CACNA1C: variants seen among roughly 807,000 people sequenced by gnomAD.
CACNA1C encodes voltage-dependent L-type calcium channel subunit alpha-1C.
In CACNA1C, 30 loss-of-function variants were observed where a neutral mutation model predicts 229.0. That is an observed-to-expected ratio of 0.13 (90% CI 0.10 to 0.18). The LOEUF is 0.18. Ranked by LOEUF, CACNA1C falls within the 10% of genes least tolerant of loss-of-function variation. The pLI is 1.00. For missense variants in CACNA1C, 1,658 were observed against 2,845.0 expected (o/e 0.58, Z 9.49); for synonymous variants, 1,114 against 1,132.5 (o/e 0.98, Z 0.33).
chr12:2,550,721 T>C (rs907422957), intron 10 of CACNA1C: 3 of 1,230,534 alleles, frequency 2.4e-6, no homozygotes, highest in Non-Finnish European at 3.2e-6. Flanking sequence ...GCATCTCCCT[T>C]CCCTCCTCGT....
At chr12:2,042,676 A>G (rs906261731) in intron 1 of CACNA1C, among the ~76,000 whole-genome samples, 17 of 152,142 alleles carry the variant, frequency 1.1e-4, no homozygotes, top group African/African-American at 4.1e-4. Flanking sequence ...GAAGTGTAGG[A>G]TAAGGATGCC....
chr12:2,435,595 C>T lies in CACNA1C; in HGVS notation c.478-13381C>T, dbSNP rs184501285. On this transcript the variant is annotated intron_variant, in intron 3 of 46. Transcript: ENST00000399655. ...GGCCTCTGCAGCACCCCTGGAGTTG[C>T]ACCCCGAGTGCTGGGAGACAGGCAG... Among the ~76,000 whole-genome samples the T allele has an allele frequency of 1.4e-4, 21 of 152,346 alleles. No homozygotes were observed. The East Asian group carries it at 1.5e-3, about 11-fold the overall frequency.
At chr12:2,623,047 T>C (rs1364217871) in intron 29 of CACNA1C, among the ~76,000 whole-genome samples, 2 of 152,192 alleles carry the variant, frequency 1.3e-5, no homozygotes, top group Non-Finnish European at 2.9e-5. Context: ...CTTAAAATCT[T>C]TTGCAGGAGC....
At chr12:2,680,553 T>C (rs1298973482) in intron 42 of CACNA1C, 2 of 1,568,610 alleles carry the variant, frequency 1.3e-6, no homozygotes, top group Non-Finnish European at 1.7e-6. Flanking sequence ...CCCAGCAGGC[T>C]GCACAGCCCC....
At chr12:2,617,750 GC>G (rs2081337100) in intron 29 of CACNA1C, among the ~76,000 whole-genome samples, 2 of 152,230 alleles carry the variant, frequency 1.3e-5, no homozygotes, top group African/African-American at 4.8e-5. Context: ...TTTTCACTGG[GC>G]TTGTGTCGAA....
In CACNA1C at chr12:2,467,436, C is replaced by T. The variant is rs2099562247; in HGVS notation, c.757+9730C>T. 6.6e-6 allele frequency among the ~76,000 whole-genome samples: 1 copy of T among 152,118 alleles called. No homozygotes were observed. Among genetic ancestry groups the T allele is most frequent in the South Asian group, 2.1e-4 (1 of 4,828 alleles). ...ACTCTGATGGCAATGGTGAGGGAAC[C>T]CTCAGGGCTGCTGATCTTTGCTGCC... is the stretch of plus-strand genomic sequence containing the variant. On this transcript the variant is annotated intron_variant, in intron 5 of 46. Transcript: ENST00000399655. The surrounding 1 kb of genome is among the most constrained non-coding windows in gnomAD (Gnocchi z 4.6).
At chr12:2,031,503 G>A (rs193215418) in intron 1 of CACNA1C, among the ~76,000 whole-genome samples, 1 of 152,266 alleles carries the variant, frequency 6.6e-6, no homozygotes, top group Non-Finnish European at 1.5e-5. Flanking sequence ...CATGTCTTTT[G>A]TTTGAACAAA....
chr12:2,272,416 G>A (rs999410142), intron 3 of CACNA1C, among the ~76,000 whole-genome samples: 1 of 152,084 alleles, frequency 6.6e-6, no homozygotes, highest in Admixed American at 6.5e-5. Context: ...TCCCCGGCTG[G>A]TGTCTGCCTC....
chr12:2,452,774 A>G (rs902581471), intron 4 of CACNA1C, among the ~76,000 whole-genome samples: 5 of 152,350 alleles, frequency 3.3e-5, no homozygotes, highest in South Asian at 2.1e-4. Context: ...ACCGAATAGT[A>G]TTTTGTGAAC....
intron 34 of CACNA1C, among the ~76,000 whole-genome samples, chr12:2,658,749 G>A (rs937891438): frequency 5.3e-5 from 8 of 151,946 alleles, no homozygotes; most frequent in African/African-American, 1.7e-4. Context: ...AAGACCTTCC[G>A]ATAGGACAAG....
At chr12:2,681,862 G>C in intron 42 of CACNA1C, 1 of 795,198 alleles carries the variant, frequency 1.3e-6, no homozygotes, top group Non-Finnish European at 2.2e-6. Context: ...TAGAAAGCAA[G>C]ACAAAGGGAG....
At chr12:2,141,311 C>T (rs944850720) in intron 3 of CACNA1C, among the ~76,000 whole-genome samples, 4 of 151,112 alleles carry the variant, frequency 2.6e-5, no homozygotes, top group African/African-American at 7.3e-5. Flanking sequence ...CAGAGATAGG[C>T]GAGGGTTACG....
rs1371226638 is a variant in CACNA1C, at chr12:2,692,371, G to A, written c.*1172G>A. On this transcript the variant is annotated 3_prime_UTR_variant, in exon 47 of 47. Transcript: ENST00000399655. ...TGCGCGAGAGAGTCTCCGAGTGTGTGCGACGCGTGTGTGTGTGGTGGGTTG... is the reference window on the plus strand; with the variant it reads ...TGCGCGAGAGAGTCTCCGAGTGTGTACGACGCGTGTGTGTGTGGTGGGTTG... 1 of 152,458 alleles carries A rather than the reference G, an allele frequency of 6.6e-6. No homozygotes were observed. Among genetic ancestry groups the A allele is most frequent in the East Asian group, 1.9e-4 (1 of 5,198 alleles). The allele number at this position is 152,458 out of a possible 1,614,324, so 9.4% of individuals were successfully genotyped here.
At chr12:2,160,114 T>C (rs1200368823) in intron 3 of CACNA1C, among the ~76,000 whole-genome samples, 5 of 152,214 alleles carry the variant, frequency 3.3e-5, no homozygotes, top group Non-Finnish European at 7.3e-5. Context: ...CCTCTGGATT[T>C]CTGCTGGGTG....
At chr12:2,588,096 G>A (rs1375032243) in intron 18 of CACNA1C, among the ~76,000 whole-genome samples, 2 of 152,154 alleles carry the variant, frequency 1.3e-5, no homozygotes, top group South Asian at 2.1e-4. Flanking sequence ...GTCAGCTCCT[G>A]GATCCTTTAG....
intron 1 of CACNA1C, among the ~76,000 whole-genome samples, chr12:2,064,426 G>A (rs896249313): frequency 2.0e-5 from 3 of 151,958 alleles, no homozygotes; most frequent in Non-Finnish European, 4.4e-5. Flanking sequence ...CCTGGACTGT[G>A]AGGGGGAGGC....
In CACNA1C at chr12:2,181,930, C is replaced by A. The variant is rs2096852200; in HGVS notation, c.477+61500C>A. The stretch of plus-strand genomic sequence containing the variant: ...GTGGGGGTAAACTGATTCTGGATTA[C>A]TCATTAATGTAGAACTCCGACCAGT... On this transcript the variant is annotated intron_variant, in intron 3 of 46. Transcript: ENST00000399655. This position sits in a 1 kb window ranked among gnomAD's most constrained non-coding sequence, Gnocchi z 4.0. 6.6e-6 allele frequency among the ~76,000 whole-genome samples: 1 copy of A among 151,924 alleles called. No individual in the cohort carries two copies. Among genetic ancestry groups the A allele is most frequent in the Non-Finnish European group, 1.5e-5 (1 of 67,990 alleles).
In CACNA1C at chr12:2,287,519, A is replaced by C. The variant is rs561253503; in HGVS notation, c.478-161457A>C. The stretch of plus-strand genomic sequence containing the variant: ...CTTGATGTGGTCTTGGCTGATGAGA[A>C]GCTCCCTCCAATTCTGTGATTCTGG... On this transcript the variant is annotated intron_variant, in intron 3 of 46. Transcript: ENST00000399655. The surrounding 1 kb of genome is among the most constrained non-coding windows in gnomAD (Gnocchi z 4.6). 6.6e-6 allele frequency among the ~76,000 whole-genome samples: 1 copy of C among 152,270 alleles called. No homozygotes were observed. Among genetic ancestry groups the C allele is most frequent in the South Asian group, 2.1e-4 (1 of 4,824 alleles).
Position 2,600,419 on chromosome 12 carries a change from A to G in CACNA1C, c.2854-1435A>G, listed in dbSNP as rs1184850208. 2.0e-5 allele frequency among the ~76,000 whole-genome samples: 3 copies of G among 152,226 alleles called. No individual in the cohort carries two copies. The South Asian group carries it at 6.2e-4, about 31-fold the overall frequency. On this transcript the variant is annotated intron_variant, in intron 21 of 46. Coordinates refer to ENST00000399655, the MANE Select transcript of CACNA1C (RefSeq NM_000719.7). ...CATTTCCCTCTGTGTTTGCTTTTGA[A>G]TGGCTCTGCGGACACTCTGCCCTGG...
Sources: allele counts gnomAD v4.1 joint callset (sites outside exome capture counted in the v4.1 genomes callset), GRCh38; gene constraint gnomAD v4.1.1; non-coding constraint Gnocchi (gnomAD v3.1); transcripts MANE v1.5; gene names NCBI Gene and HGNC (gene_info 2026-07-23, HGNC 2026-07-21).